The following FAM83A variants were observed in gnomAD, a reference collection of about 807,000 sequenced individuals.
FAM83A encodes the protein protein FAM83A.
A neutral mutation model predicts 24.4 loss-of-function variants in FAM83A; 21 were observed. The observed-to-expected ratio is 0.86, with a 90% CI of 0.61 to 1.24. The LOEUF is 1.24. FAM83A is among the 50% of genes most tolerant of loss of function. The pLI is 0.00. For missense variants in FAM83A, 617 were observed against 579.8 expected (o/e 1.06, Z -0.66); for synonymous variants, 270 against 252.4 (o/e 1.07, Z -0.66).
intron 1 of FAM83A, among the ~76,000 whole-genome samples, chr8:123,186,185 G>A (rs1377036541): frequency 6.6e-6 from 1 of 152,036 alleles, no homozygotes; most frequent in Non-Finnish European, 1.5e-5. Flanking sequence ...GGAAGGAAGG[G>A]TTTGTGATGT....
rs56221642 is a variant in FAM83A, at chr8:123,207,229, T to G, written c.846T>G (p.Phe282Leu). The G allele has an allele frequency of 1.3e-4, 205 of 1,612,494 alleles. 1 individual carries two copies. In the East Asian group the frequency reaches 4.2e-3, roughly 33 times the overall value. ...TCACAGGCCAGGCGGTGGAGCTGTT[T>G]GACGAGGAGTTCCGCCACCTCTACG... The change falls in exon 4 of 4, where the codon TTT becomes TTG. Residue 282 changes from phenylalanine to leucine, a missense_variant. Coordinates refer to ENST00000690554, the Ensembl canonical transcript of FAM83A.
chr8:123,197,270 A>T (rs544594257), intron 3 of FAM83A, among the ~76,000 whole-genome samples: 1 of 152,340 alleles, frequency 6.6e-6, no homozygotes, highest in South Asian at 2.1e-4. Flanking sequence ...GCTATGGGAA[A>T]AAAAGAGAAT....
exon 4 of FAM83A, chr8:123,208,469 C>G (rs1210236512): frequency 3.0e-5 from 30 of 985,360 alleles, no homozygotes; most frequent in African/African-American, 3.5e-5. Context: ...GGGGCCAGGA[C>G]TGGCCCCACT....
intron 1 of FAM83A, among the ~76,000 whole-genome samples, chr8:123,183,630 T>A (rs1238595433): frequency 6.6e-6 from 1 of 151,996 alleles, no homozygotes; most frequent in African/African-American, 2.4e-5. Flanking sequence ...TGCAGTAAAG[T>A]GGCTTTTCCT....
intron 1 of FAM83A, among the ~76,000 whole-genome samples, chr8:123,188,781 C>T (rs7814371): frequency 0.041 from 6,207 of 152,282 alleles, 437 homozygotes; most frequent in African/African-American, 0.14. Flanking sequence ...CCGTGCCTGG[C>T]CTTCAACCCA....
chr8:123,195,085 C>A (rs1341847036), intron 3 of FAM83A, among the ~76,000 whole-genome samples: 2 of 152,004 alleles, frequency 1.3e-5, no homozygotes, highest in South Asian at 2.1e-4. Flanking sequence ...AATGAGAGAG[C>A]AATTGAGGAA....
chr8:123,191,101 T>C (rs1440046486), intron 1 of FAM83A, among the ~76,000 whole-genome samples: 6 of 152,124 alleles, frequency 3.9e-5, no homozygotes, highest in African/African-American at 1.4e-4. Context: ...CCAAACCACA[T>C]TGATTGTGGA....
intron 3 of FAM83A, among the ~76,000 whole-genome samples, chr8:123,204,910 A>C (rs976110276): frequency 6.6e-6 from 1 of 152,108 alleles, no homozygotes; most frequent in Non-Finnish European, 1.5e-5. Context: ...TCAGGAGTTC[A>C]AGACCAGGCT....
At chr8:123,195,843 C>G (rs1824131578) in intron 3 of FAM83A, among the ~76,000 whole-genome samples, 1 of 152,134 alleles carries the variant, frequency 6.6e-6, no homozygotes, top group Admixed American at 6.5e-5. Context: ...TAATTATGCC[C>G]CAAAGGCCCT....
At chr8:123,180,217 T>A (rs1823561000), upstream of FAM83A, 1 of 152,168 alleles carries the variant, frequency 6.6e-6, no homozygotes, top group African/African-American at 2.4e-5. Flanking sequence ...GACCATTTTG[T>A]GCAGTTTCTC....
intron 3 of FAM83A, among the ~76,000 whole-genome samples, chr8:123,200,968 A>AAATAT (rs1554630479): frequency 7.2e-6 from 1 of 138,982 alleles, no homozygotes; most frequent in Admixed American, 7.2e-5. Flanking sequence ...AAAAAAAAAA[A>AAATAT]ATATATATAT....
chr8:123,196,619 G>C (rs1158605776), intron 3 of FAM83A, among the ~76,000 whole-genome samples: 1 of 152,140 alleles, frequency 6.6e-6, no homozygotes, highest in Non-Finnish European at 1.5e-5. Context: ...GTCCAAAATT[G>C]TGTGATAATT....
At chr8:123,195,032 G>A (rs948020528) in intron 3 of FAM83A, among the ~76,000 whole-genome samples, 7 of 152,092 alleles carry the variant, frequency 4.6e-5, no homozygotes, top group African/African-American at 1.7e-4. Flanking sequence ...CAGTGGCGGC[G>A]CTAGGGAAGT....
chr8:123,188,238 G>A (rs540266070), intron 1 of FAM83A, among the ~76,000 whole-genome samples: 4 of 151,842 alleles, frequency 2.6e-5, no homozygotes, highest in East Asian at 1.9e-4. Context: ...GGCTTCACAC[G>A]ACGGCTTTCT....
In FAM83A at chr8:123,209,419, T is replaced by C; in HGVS notation, c.*1731T>C. On this transcript the variant is annotated 3_prime_UTR_variant, in exon 4 of 4. Coordinates refer to ENST00000690554, the Ensembl canonical transcript of FAM83A. The surrounding 1 kb of genome is among the most constrained non-coding windows in gnomAD (Gnocchi z 4.7). ...GTATTCCTGTCCTTCACTTTTTTCCTCCTTAGTTCCTGAAAGTAAACAAAA... is the reference window on the plus strand; with the variant it reads ...GTATTCCTGTCCTTCACTTTTTTCCCCCTTAGTTCCTGAAAGTAAACAAAA... 6.2e-7 allele frequency: 1 copy of C among 1,613,358 alleles called. No individual in the cohort carries two copies. Among genetic ancestry groups the C allele is most frequent in the Non-Finnish European group, 8.5e-7 (1 of 1,179,518 alleles).
chr8:123,194,003 C>A, intron 2 of FAM83A, 21 bp from the exon 3 acceptor site: 4 of 1,613,868 alleles, frequency 2.5e-6, no homozygotes, highest in Non-Finnish European at 3.4e-6. Flanking sequence ...GGAAGTGACA[C>A]CTTGACTTTC....
exon 4 of FAM83A, chr8:123,207,617 G>C: frequency 6.4e-7 from 1 of 1,556,914 alleles, no homozygotes; most frequent in Non-Finnish European, 8.6e-7. Flanking sequence ...GCTGCAGCTG[G>C]AGCAGCTGGG....
exon 4 of FAM83A, chr8:123,208,495 G>T: frequency 7.1e-6 from 7 of 985,582 alleles, no homozygotes; most frequent in Non-Finnish European, 8.4e-6. Flanking sequence ...GCCCAGGCCA[G>T]TCTTGAGCAG....
intron 2 of FAM83A, 78 bp downstream of exon 2, chr8:123,192,048 C>A: frequency 2.7e-6 from 4 of 1,498,478 alleles, no homozygotes; most frequent in Non-Finnish European, 3.6e-6. Context: ...AACAAATGTC[C>A]CTCATCTTGT....
Sources: allele counts gnomAD v4.1 joint callset (sites outside exome capture counted in the v4.1 genomes callset), GRCh38; gene constraint gnomAD v4.1.1; non-coding constraint Gnocchi (gnomAD v3.1); transcripts MANE v1.5; gene names NCBI Gene and HGNC (gene_info 2026-07-23, HGNC 2026-07-21).